KSR2: variants seen among roughly 807,000 people sequenced by gnomAD.
KSR2 encodes kinase suppressor of ras 2.
KSR2 carries 25 observed loss-of-function variants against 107.8 expected under a neutral mutation model. The observed-to-expected ratio is 0.23, with a 90% CI of 0.17 to 0.32. The LOEUF (loss-of-function observed/expected upper bound fraction) is 0.32. Among genes scored for constraint, KSR2 ranks in the 10% least tolerant of loss-of-function variants. The pLI, the probability that KSR2 is intolerant of heterozygous loss-of-function variation, is 1.00. For synonymous variants in KSR2, 480 were observed against 507.0 expected (o/e 0.95, Z 0.71); for missense variants, 887 against 1,268.9 (o/e 0.70, Z 4.57).
intron 5 of KSR2, among the ~76,000 whole-genome samples, chr12:117,597,422 G>A (rs1483533223): frequency 3.3e-5 from 5 of 152,208 alleles, no homozygotes; most frequent in African/African-American, 9.6e-5. Context: ...TTATCCAGGT[G>A]AGCCTGAGAT....
chr12:117,918,702 CGCTTG>C (rs1895254395), intron 1 of KSR2, among the ~76,000 whole-genome samples: 1 of 151,612 alleles, frequency 6.6e-6, no homozygotes, highest in African/African-American at 2.4e-5. Context: ...GCAGGAGATT[CGCTTG>C]AATCCAGGAG....
At chr12:117,636,903 A>C (rs1197649884) in intron 5 of KSR2, among the ~76,000 whole-genome samples, 1 of 152,198 alleles carries the variant, frequency 6.6e-6, no homozygotes, top group African/African-American at 2.4e-5. Flanking sequence ...TGCCACATAT[A>C]TACCAAAGCA....
At chr12:117,553,563 A>G (rs1405547077) in intron 9 of KSR2, among the ~76,000 whole-genome samples, 6 of 152,146 alleles carry the variant, frequency 3.9e-5, no homozygotes, top group Non-Finnish European at 7.4e-5. Context: ...GGACCTGAAC[A>G]CAGGTCAGTG....
Position 117,967,275 on chromosome 12 carries a change from G to A in KSR2, c.180+801C>T, listed in dbSNP as rs116588423. 4.5e-3 allele frequency among the ~76,000 whole-genome samples: 685 copies of A among 152,042 alleles called. 4 individuals are homozygous for A. Among genetic ancestry groups the A allele is most frequent in the African/African-American group, 0.015 (641 of 41,456 alleles). On this transcript the variant is annotated intron_variant, in intron 1 of 19. Coordinates refer to ENST00000339824, the MANE Select transcript of KSR2 (RefSeq NM_173598.6). The stretch of plus-strand genomic sequence containing the variant: ...TTCAAACTCCCCCTCAAGTTCTGCC[G>A]GAGAGAATGTCACAAGAAGCCAAAG...
intron 16 of KSR2, among the ~76,000 whole-genome samples, chr12:117,479,308 C>T (rs1343920770): frequency 6.6e-6 from 1 of 152,192 alleles, no homozygotes; most frequent in Non-Finnish European, 1.5e-5. Context: ...CACCCTGGGC[C>T]ACCCATCCAC....
At chr12:117,534,968 T>A (rs1875931883) in intron 10 of KSR2, among the ~76,000 whole-genome samples, 2 of 152,178 alleles carry the variant, frequency 1.3e-5, no homozygotes, top group South Asian at 4.1e-4. Flanking sequence ...TTTAGCCCAA[T>A]GAAGCCCGTT....
chr12:117,747,451 G>A (rs1888451200), intron 4 of KSR2, among the ~76,000 whole-genome samples: 1 of 149,202 alleles, frequency 6.7e-6, no homozygotes. Flanking sequence ...GGGACAGGGG[G>A]AGGGAGAGCA....
chr12:117,615,635 C>G (rs768335597), intron 5 of KSR2, among the ~76,000 whole-genome samples: 3 of 152,132 alleles, frequency 2.0e-5, no homozygotes, highest in Non-Finnish European at 4.4e-5. Context: ...CTGCCAAAAG[C>G]CAGCACCAAC....
At chr12:117,483,405 T>A (rs1872282940) in intron 16 of KSR2, among the ~76,000 whole-genome samples, 2 of 151,712 alleles carry the variant, frequency 1.3e-5, no homozygotes, top group African/African-American at 2.4e-5. Flanking sequence ...TAAAAAAAAA[T>A]CAGTGGTTCT....
At chr12:117,917,164 T>C (rs1895203214) in intron 1 of KSR2, among the ~76,000 whole-genome samples, 1 of 152,196 alleles carries the variant, frequency 6.6e-6, no homozygotes, top group South Asian at 2.1e-4. Flanking sequence ...GGGGGCAAAA[T>C]TGCCCCCAGT....
intron 1 of KSR2, among the ~76,000 whole-genome samples, chr12:117,894,641 C>G (rs1894449956): frequency 6.6e-6 from 1 of 152,078 alleles, no homozygotes; most frequent in East Asian, 1.9e-4. Flanking sequence ...AGACTTCCCC[C>G]TAGCTGTTCT....
intron 7 of KSR2, among the ~76,000 whole-genome samples, chr12:117,575,169 C>T (rs1225291772): frequency 6.6e-6 from 1 of 152,160 alleles, no homozygotes; most frequent in Admixed American, 6.5e-5. Flanking sequence ...CTACCCATGC[C>T]CCAGCATAGA....
chr12:117,937,360 C>T (rs1895877809), intron 1 of KSR2, among the ~76,000 whole-genome samples: 1 of 152,080 alleles, frequency 6.6e-6, no homozygotes, highest in African/African-American at 2.4e-5. Context: ...TATTTCCCCT[C>T]CCTCCACCCT....
intron 10 of KSR2, among the ~76,000 whole-genome samples, chr12:117,534,403 ACT>A (rs1181021598): frequency 6.6e-6 from 1 of 151,668 alleles, no homozygotes; most frequent in African/African-American, 2.4e-5. Flanking sequence ...CACCTGCAAA[ACT>A]CAGCCATCCA....
intron 3 of KSR2, among the ~76,000 whole-genome samples, chr12:117,849,593 C>T (rs374934615): frequency 3.3e-5 from 5 of 152,176 alleles, no homozygotes; most frequent in African/African-American, 7.2e-5. Context: ...TTCCTATCTT[C>T]GGGGCTCCTT....
chr12:117,965,135 G>A (rs1434571903), intron 1 of KSR2, among the ~76,000 whole-genome samples: 1 of 152,230 alleles, frequency 6.6e-6, no homozygotes, highest in Non-Finnish European at 1.5e-5. Context: ...AGGAAGAGAT[G>A]TCCTGGGGAA....
chr12:117,874,394 A>AG (rs1394813452), intron 1 of KSR2, among the ~76,000 whole-genome samples: 1 of 152,060 alleles, frequency 6.6e-6, no homozygotes. Context: ...CACCACACCC[A>AG]GCTAATTTTT....
intron 19 of KSR2, chr12:117,467,888 A>T: frequency 2.3e-6 from 1 of 430,050 alleles, no homozygotes; most frequent in Non-Finnish European, 4.6e-6. Context: ...CACTGAACCC[A>T]GCATCCTATT....
chr12:117,848,863 T>TGGTGATGAA (rs1892816649), intron 3 of KSR2, among the ~76,000 whole-genome samples: 1 of 104,464 alleles, frequency 9.6e-6, no homozygotes, highest in Non-Finnish European at 2.5e-5. Flanking sequence ...ATGGTGATGA[T>TGGTGATGAA]GGTGATGACG....
Sources: gnomAD v4.1 joint callset for allele counts (sites outside exome capture counted in the v4.1 genomes callset) on GRCh38, gnomAD v4.1.1 for gene constraint, MANE v1.5 for transcripts, NCBI Gene and HGNC (gene_info 2026-07-23, HGNC 2026-07-21) for gene names.